The following PLCB1 variants were observed in gnomAD, a reference collection of about 807,000 sequenced individuals.
The protein encoded by PLCB1 is phospholipase C beta 1.
Under a neutral mutation model 161.8 loss-of-function variants are expected in PLCB1, and 46 were observed. The observed-to-expected ratio is 0.28, with a 90% CI of 0.22 to 0.36. The LOEUF (loss-of-function observed/expected upper bound fraction) is 0.36, where lower values mean the gene tolerates loss of function less well. Ranked by LOEUF, PLCB1 falls within the 10% of genes least tolerant of loss-of-function variation. The pLI is 1.00. For synonymous variants in PLCB1, 517 were observed against 503.7 expected, an observed-to-expected ratio of 1.03 and a Z score of -0.35; for missense variants, 1,016 against 1,472.5, an observed-to-expected ratio of 0.69 and a Z score of 5.07.
At chr20:8,368,267 C>T (rs890631188) in intron 2 of PLCB1, among the ~76,000 whole-genome samples, 6 of 151,960 alleles carry the variant, frequency 3.9e-5, no homozygotes, top group Admixed American at 3.9e-4. Context: ...GTGGCTCATG[C>T]CTGCAATCCC....
At chr20:8,537,065 G>T (rs531922904) in intron 3 of PLCB1, among the ~76,000 whole-genome samples, 2 of 152,306 alleles carry the variant, frequency 1.3e-5, no homozygotes, top group Middle Eastern at 3.4e-3. Flanking sequence ...ATTCATACGG[G>T]TCTGCAGCAA....
At chr20:8,682,919 A>C (rs1486583511) in intron 9 of PLCB1, among the ~76,000 whole-genome samples, 1 of 152,172 alleles carries the variant, frequency 6.6e-6, no homozygotes, top group East Asian at 1.9e-4. Flanking sequence ...GTATTTATAC[A>C]AAGATGTAAC....
At chr20:8,802,941 T>C (rs1226294538) in intron 31 of PLCB1, among the ~76,000 whole-genome samples, 1 of 152,162 alleles carries the variant, frequency 6.6e-6, no homozygotes, top group Non-Finnish European at 1.5e-5. Flanking sequence ...AAAAGAAGCA[T>C]TCTTGTGATT....
intron 31 of PLCB1, among the ~76,000 whole-genome samples, chr20:8,797,712 A>G (rs570030715): frequency 2.4e-4 from 36 of 152,302 alleles, no homozygotes; most frequent in African/African-American, 8.7e-4. Flanking sequence ...TCACTCTGGG[A>G]AAGCCTCAGC....
intron 4 of PLCB1, among the ~76,000 whole-genome samples, chr20:8,635,241 G>C (rs1269582936): frequency 4.6e-5 from 7 of 151,936 alleles, no homozygotes; most frequent in African/African-American, 1.7e-4. Flanking sequence ...CAATAAATGC[G>C]AGAGGTGTGA....
At chr20:8,446,556 C>T (rs1220105409) in intron 3 of PLCB1, among the ~76,000 whole-genome samples, 1 of 152,094 alleles carries the variant, frequency 6.6e-6, no homozygotes, top group Non-Finnish European at 1.5e-5. Flanking sequence ...AAGTTCTGGC[C>T]AGGGCTATCA....
intron 31 of PLCB1, among the ~76,000 whole-genome samples, chr20:8,847,653 G>T (rs1986735466): frequency 6.6e-6 from 1 of 152,170 alleles, no homozygotes; most frequent in African/African-American, 2.4e-5. Context: ...GGTGCCAGTT[G>T]CAAGACTTGG....
intron 31 of PLCB1, among the ~76,000 whole-genome samples, chr20:8,874,670 A>G (rs1452468133): frequency 1.3e-5 from 2 of 152,036 alleles, no homozygotes; most frequent in African/African-American, 4.8e-5. Context: ...GAGATAGACA[A>G]TACATAATGC....
At chr20:8,833,965 G>T (rs1327511375) in intron 31 of PLCB1, among the ~76,000 whole-genome samples, 1 of 151,664 alleles carries the variant, frequency 6.6e-6, no homozygotes, top group Admixed American at 6.6e-5. Flanking sequence ...GGTTGTATGT[G>T]TGAAATCTTC....
At chr20:8,413,738 A>C (rs1600384515) in intron 3 of PLCB1, among the ~76,000 whole-genome samples, 1 of 152,316 alleles carries the variant, frequency 6.6e-6, no homozygotes, top group Admixed American at 6.5e-5. Context: ...ATTTTTTAAC[A>C]TATTCTGAAT....
chr20:8,468,557 T>C (rs1600090838), intron 3 of PLCB1, among the ~76,000 whole-genome samples: 1 of 152,184 alleles, frequency 6.6e-6, no homozygotes, highest in Non-Finnish European at 1.5e-5. Context: ...CTTACCATCA[T>C]ACCTGCCACA....
At chr20:8,729,007 A>G in intron 17 of PLCB1, 43 bp from the exon 18 acceptor site, 1 of 1,395,300 alleles carries the variant, frequency 7.2e-7, no homozygotes, top group Non-Finnish European at 9.6e-7. Flanking sequence ...TTATTGACTA[A>G]ATATTTTTAT....
chr20:8,396,573 C>T (rs376063155), intron 3 of PLCB1, among the ~76,000 whole-genome samples: 1 of 151,984 alleles, frequency 6.6e-6, no homozygotes, highest in East Asian at 1.9e-4. Flanking sequence ...GTTGCTCAGT[C>T]CAGTTGAAAA....
intron 3 of PLCB1, among the ~76,000 whole-genome samples, chr20:8,578,196 C>A (rs1986733795): frequency 6.6e-6 from 1 of 152,172 alleles, no homozygotes; most frequent in South Asian, 2.1e-4. Flanking sequence ...CAGTATTTGG[C>A]ACATAATATA....
chr20:8,371,491 G>A (rs1489233615), intron 3 of PLCB1, 41 bp downstream of exon 3: 2 of 1,389,418 alleles, frequency 1.4e-6, no homozygotes, highest in Non-Finnish European at 2.0e-6. Flanking sequence ...ATGCTGCCTT[G>A]ATTGTTTGGC....
At chr20:8,779,225 G>A (rs1983085454) in intron 27 of PLCB1, among the ~76,000 whole-genome samples, 2 of 152,054 alleles carry the variant, frequency 1.3e-5, no homozygotes, top group South Asian at 2.1e-4. Context: ...CTTCCTGTCA[G>A]ATGTTTACTG....
At chr20:8,682,153 G>C (rs1990237781) in intron 9 of PLCB1, among the ~76,000 whole-genome samples, 2 of 152,156 alleles carry the variant, frequency 1.3e-5, no homozygotes, top group Non-Finnish European at 2.9e-5. Context: ...AAAGAGATAG[G>C]GGAGAAGGAA....
intron 31 of PLCB1, among the ~76,000 whole-genome samples, chr20:8,827,209 AT>A (rs1316320754): frequency 6.6e-6 from 1 of 152,170 alleles, no homozygotes; most frequent in Non-Finnish European, 1.5e-5. Flanking sequence ...TTTCCCCATG[AT>A]TATTTGTTCA....
chr20:8,527,792 A>C (rs997977994), intron 3 of PLCB1, among the ~76,000 whole-genome samples: 1 of 152,102 alleles, frequency 6.6e-6, no homozygotes, highest in Non-Finnish European at 1.5e-5. Flanking sequence ...ATAAAAAGGA[A>C]AGGGCTTAGC....
Sources: gnomAD v4.1 joint callset for allele counts (sites outside exome capture counted in the v4.1 genomes callset) on GRCh38, gnomAD v4.1.1 for gene constraint, MANE v1.5 for transcripts, NCBI Gene and HGNC (gene_info 2026-07-23, HGNC 2026-07-21) for gene names.